Variants in TARBP2 observed in about 807,000 individuals in gnomAD.
TARBP2 encodes the protein RISC-loading complex subunit TARBP2.
In TARBP2, 23 loss-of-function variants were observed where a neutral mutation model predicts 40.4. The ratio of observed to expected loss-of-function variants is 0.57; its 90% confidence interval spans 0.41 to 0.81. The LOEUF is 0.81. TARBP2 is among the 30% of genes least tolerant of loss of function. TARBP2 has a pLI of 0.00. For missense variants in TARBP2, 358 were observed against 473.7 expected (o/e 0.76, Z 2.27); for synonymous variants, 183 against 190.5 (o/e 0.96, Z 0.32).
chr12:53,501,326 G>T lies in TARBP2; in HGVS notation c.-83G>T. On this transcript the variant is annotated 5_prime_UTR_variant, in exon 1 of 9. Transcript: ENST00000266987. Reference sequence around the variant, plus strand: ...CCCTACCGGCCGCGACTCCGGGCTTGGCCCCGGCCCTAGCTCGTCGGCTGT... The same window carrying T: ...CCCTACCGGCCGCGACTCCGGGCTTTGCCCCGGCCCTAGCTCGTCGGCTGT... 1 of 1,498,454 alleles carries T rather than the reference G, an allele frequency of 6.7e-7. No individual in the cohort carries two copies. The highest frequency in any genetic ancestry group is 9.0e-7 in the Non-Finnish European group (1 of 1,106,130). 92.8% of individuals were successfully genotyped at this position (1,498,454 alleles called of 1,614,324 possible).
chr12:53,504,912 C>A, intron 6 of TARBP2, 97 bp downstream of exon 6: 1 of 1,488,828 alleles, frequency 6.7e-7, no homozygotes. Flanking sequence ...ACACCCCCTG[C>A]TCTCTTAGCT....
Position 53,502,108 on chromosome 12 carries a change from CCTT to C in TARBP2, c.150_152del (p.Leu51del). 1 of 1,614,206 alleles carries C rather than the reference CCTT, an allele frequency of 6.2e-7. No individual in the cohort carries two copies. The highest frequency in any genetic ancestry group is 8.5e-7 in the Non-Finnish European group (1 of 1,180,030). ...GAATAGGGAAGACGCCTGTGTACGA[CCTT>C]CTCAAAGCCGAGGGCCAAGCCCACC... On this transcript the variant is annotated inframe_deletion, in exon 2 of 9. Coordinates refer to ENST00000266987, the MANE Select transcript of TARBP2 (RefSeq NM_134323.2).
At position 53,505,724 on chromosome 12, in the gene TARBP2, GGA is replaced by G; in HGVS notation, c.822_823del (p.Lys275AspfsTer25). ...CTGGGATTCTCTACGAAATTCAGTAGGAGAGAAGATCCTGTCCCTCCGCAGTT... is the reference window on the plus strand; with the variant it reads ...CTGGGATTCTCTACGAAATTCAGTAGGAGAAGATCCTGTCCCTCCGCAGTT... ...CTWDSLRNSV[G>X]EKILSLRSCS... On this transcript the variant is annotated frameshift_variant, in exon 8 of 9. Transcript: ENST00000266987. LOFTEE classifies it high-confidence loss of function. The surrounding 1 kb of genome is among the most constrained non-coding windows in gnomAD (Gnocchi z 4.5). 1 of 1,614,106 alleles carries G rather than the reference GGA, an allele frequency of 6.2e-7. No individual in the cohort carries two copies. Among genetic ancestry groups the G allele is most frequent in the East Asian group, 2.2e-5 (1 of 44,868 alleles).
At position 53,504,403 on chromosome 12, in the gene TARBP2, C is replaced by A; in HGVS notation, c.429C>A (p.Pro143=). ...PVPSVVLTRS[P]PMELQPPVSP... ...CCTGTGCCTTTTCCTTCAGGAGCCC[C>A]CCCATGGAACTGCAGCCCCCTGTCT... is the stretch of plus-strand genomic sequence containing the variant. Residue 143 remains proline (P), a synonymous_variant, in exon 5 of 9, where the codon CCC becomes CCA. Coordinates refer to ENST00000266987, the MANE Select transcript of TARBP2 (RefSeq NM_134323.2). The A allele has an allele frequency of 1.3e-6, 2 of 1,561,332 alleles. No homozygotes were observed. The highest frequency in any genetic ancestry group is 2.5e-5 in the South Asian group (2 of 80,988).
At position 53,501,301 on chromosome 12, in the gene TARBP2, C is replaced by T. The variant is rs1943688143; in HGVS notation, c.-108C>T. On this transcript the variant is annotated 5_prime_UTR_variant, in exon 1 of 9. Coordinates refer to ENST00000266987, the MANE Select transcript of TARBP2 (RefSeq NM_134323.2). ...ATATCCCAGCGTGCCCCGCGGCGGG[C>T]CCTACCGGCCGCGACTCCGGGCTTG... 5 of 1,279,838 alleles carry T rather than the reference C, an allele frequency of 3.9e-6. No homozygotes were observed. The highest frequency in any genetic ancestry group is 2.2e-5 in the Admixed American group (1 of 45,072). The allele number at this position is 1,279,838 out of a possible 1,614,324, so 79.3% of individuals were successfully genotyped here.
chr12:53,504,230 C>T (rs887373867), intron 4 of TARBP2, 167 bp from the exon 5 acceptor site: 15 of 640,864 alleles, frequency 2.3e-5, no homozygotes, highest in Non-Finnish European at 3.1e-5. Context: ...GGAAGGAAGC[C>T]GGCTAGAGCA....
At chr12:53,503,364 G>C (rs1267835327) in intron 3 of TARBP2, 6 of 916,628 alleles carry the variant, frequency 6.5e-6, no homozygotes, top group African/African-American at 1.7e-5. Context: ...TGGGGCCTGG[G>C]TTAGGGAGGG....
intron 3 of TARBP2, 50 bp from the exon 4 acceptor site, chr12:53,503,649 TCCCCCACCCCTCTC>T: frequency 8.1e-7 from 1 of 1,230,678 alleles, no homozygotes; most frequent in Admixed American, 1.7e-5. Flanking sequence ...AGGACGTGGG[TCCCCCACCCCTCTC>T]TTCCCCCTAT....
At chr12:53,501,994 G>A in intron 1 of TARBP2, 21 bp from the exon 2 acceptor site, 6 of 1,613,632 alleles carry the variant, frequency 3.7e-6, no homozygotes, top group Non-Finnish European at 5.1e-6. Context: ...GTGTGATGTG[G>A]GTCTGTGCCC....
chr12:53,505,201 C>T lies in TARBP2; in HGVS notation c.680C>T (p.Thr227Met), dbSNP rs765847634. The T allele has an allele frequency of 3.7e-6, 6 of 1,611,204 alleles. No individual in the cohort carries two copies. Among genetic ancestry groups the T allele is most frequent in the East Asian group, 2.2e-5 (1 of 44,800 alleles). The part of the protein sequence containing the change: ...AAAKMLLRVH[T>M]VPLDARDGNE... ...GCCAAAATGCTGCTTCGAGTGCACA[C>T]GGTGCCTCTGGATGCCCGGGATGGC... Residue 227 changes from threonine (T) to methionine (M), a missense_variant, in exon 7 of 9, where the codon ACG (threonine) becomes ATG (methionine). Thr to Met is a moderately conservative substitution (Grantham distance 81). Around this residue, in one of 3 missense-constraint regions of TARBP2, gnomAD observed 317 missense variants for 422.9 expected, o/e 0.75. Transcript: ENST00000266987. This position sits in a 1 kb window ranked among gnomAD's most constrained non-coding sequence, Gnocchi z 4.5.
Position 53,506,389 on chromosome 12 carries a change from C to G in TARBP2, c.*241C>G, listed in dbSNP as rs1943989160. 3.6e-6 allele frequency: 2 copies of G among 555,100 alleles called. No individual in the cohort carries two copies. The highest frequency in any genetic ancestry group is 6.4e-6 in the Non-Finnish European group (2 of 314,942). The allele number at this position is 555,100 out of a possible 1,614,324, so 34.4% of individuals were successfully genotyped here. On this transcript the variant is annotated 3_prime_UTR_variant, in exon 9 of 9. Coordinates refer to ENST00000266987, the MANE Select transcript of TARBP2 (RefSeq NM_134323.2). ...AATGGGAATGAAATCAGGGGGCTGT[C>G]TACTAGAGCCTGGAATAAATATGCT... is the stretch of plus-strand genomic sequence containing the variant.
In TARBP2 at chr12:53,502,179, G is replaced by A. The variant is rs1943742050; in HGVS notation, c.218G>A (p.Cys73Tyr). 2 of 1,614,218 alleles carry A rather than the reference G, an allele frequency of 1.2e-6. No individual in the cohort carries two copies. The highest frequency in any genetic ancestry group is 1.7e-6 in the Non-Finnish European group (2 of 1,180,046). Reference sequence around the variant, plus strand: ...CGGGTCACCGTTGGCGACACCAGCTGCACTGGTGAGGAAGGCTTGGGCAGC... The same window carrying A: ...CGGGTCACCGTTGGCGACACCAGCTACACTGGTGAGGAAGGCTTGGGCAGC... Reference protein sequence around the residue: ...TFRVTVGDTSCTGQGPSKKAA... With the variant: ...TFRVTVGDTSYTGQGPSKKAA... Residue 73 changes from cysteine (C) to tyrosine (Y), a missense_variant, in exon 2 of 9, where the codon TGC (cysteine) becomes TAC (tyrosine). By Grantham distance (194) the Cys-to-Tyr change is radical. This residue lies in a region of TARBP2 where 317 missense variants were observed against 422.9 expected (regional missense o/e 0.75). Transcript: ENST00000266987.
chr12:53,503,272 G>A (rs947871934), intron 3 of TARBP2, 143 bp downstream of exon 3: 1 of 1,403,276 alleles, frequency 7.1e-7, no homozygotes, highest in African/African-American at 1.5e-5. Flanking sequence ...CCTGAACAGG[G>A]TTTTCCAGGG....
chr12:53,501,641 T>C, intron 1 of TARBP2, 180 bp downstream of exon 1: 3 of 1,451,014 alleles, frequency 2.1e-6, no homozygotes, highest in Non-Finnish European at 2.7e-6. Flanking sequence ...CTAAATAGTT[T>C]GGGGTTGGCC....
chr12:53,501,081 G>C (rs894633144), upstream of TARBP2: 1 of 387,546 alleles, frequency 2.6e-6, no homozygotes, highest in Admixed American at 4.1e-5. Context: ...CCGGGAGAGA[G>C]GGGGCGCGGA....
rs1943980835 is a variant in TARBP2 at position 53,506,213 on chromosome 12, T to G, written c.*65T>G. 2 of 1,565,016 alleles carry G rather than the reference T, an allele frequency of 1.3e-6. No homozygotes were observed. Among genetic ancestry groups the G allele is most frequent in the African/African-American group, 2.7e-5 (2 of 74,180 alleles). On this transcript the variant is annotated 3_prime_UTR_variant, in exon 9 of 9. Transcript: ENST00000266987. ...TGCTCTTTCTGCCTCTGGGCTCATG[T>G]ATCTGCGCAGCTCTGGTACCCTCTG...
chr12:53,503,786 G>T lies in TARBP2; in HGVS notation c.400G>T (p.Val134Phe). The change falls in exon 4 of 9, where the codon GTT (valine) becomes TTT (phenylalanine). Residue 134 changes from valine (V) to phenylalanine (F), a missense_variant. Physicochemically the swap from Val to Phe is conservative, Grantham distance 50 (BLOSUM62 -1). Transcript: ENST00000266987. ...VFTAAAAATP[V>F]PSVVLTRSPP... is the part of the protein sequence containing the mutation. ...TACTGCTGCAGCAGCTGCTACCCCA[G>T]TTCCATCTGTAGTCCTAACCAGGTA... is the stretch of plus-strand genomic sequence containing the variant. 1 of 1,614,150 alleles carries T rather than the reference G, an allele frequency of 6.2e-7. No homozygotes were observed. The highest frequency in any genetic ancestry group is 1.1e-5 in the South Asian group (1 of 91,090).
intron 6 of TARBP2, 51 bp downstream of exon 6, chr12:53,504,866 C>T (rs755791919): frequency 6.9e-6 from 11 of 1,597,850 alleles, no homozygotes; most frequent in Non-Finnish European, 9.4e-6. Flanking sequence ...AGCACTCTGG[C>T]CCCAGCCACA....
Position 53,504,717 on chromosome 12 carries a change from G to A in TARBP2, c.515G>A (p.Gly172Asp). The A allele has an allele frequency of 6.2e-7, 1 of 1,614,136 alleles. No homozygotes were observed. The highest frequency in any genetic ancestry group is 1.1e-5 in the South Asian group (1 of 91,084). ...TCCAAGGAGCTGGTGGTGCAGAAAG[G>A]CTGGCGGTTGCCGGAGTACACAGTG... ...GALQELVVQK[G>D]WRLPEYTVTQ... The change falls in exon 6 of 9, where the codon GGC becomes GAC. Residue 172 changes from glycine (G) to aspartate (D), a missense_variant. Physicochemically the swap from Gly to Asp is moderately conservative, Grantham distance 94. This residue lies in a region of TARBP2 where 317 missense variants were observed against 422.9 expected (regional missense o/e 0.75). Coordinates refer to ENST00000266987, the MANE Select transcript of TARBP2 (RefSeq NM_134323.2).
Sources: allele counts gnomAD v4.1 joint callset, GRCh38; gene constraint gnomAD v4.1.1; regional missense constraint gnomAD v4.1.1; non-coding constraint Gnocchi (gnomAD v3.1); transcripts MANE v1.5; gene names NCBI Gene and HGNC (gene_info 2026-07-23, HGNC 2026-07-21).